Variants in PRKCQ observed in about 807,000 individuals in gnomAD.
The protein encoded by PRKCQ is protein kinase C theta type.
In PRKCQ, 41 loss-of-function variants were observed where a neutral mutation model predicts 91.2. The ratio of observed to expected loss-of-function variants is 0.45; its 90% CI spans 0.35 to 0.58. PRKCQ has a LOEUF of 0.58. Ranked by LOEUF, PRKCQ falls within the 20% of genes least tolerant of loss-of-function variation. The pLI, the probability that PRKCQ is intolerant of heterozygous loss-of-function variation, is 0.00. For missense variants in PRKCQ, 673 were observed against 896.5 expected, an observed-to-expected ratio of 0.75 and a Z score of 3.18; for synonymous variants, 307 against 316.9, an observed-to-expected ratio of 0.97 and a Z score of 0.33.
chr10:6,572,252 G>A (rs1325425121), intron 1 of PRKCQ, among the ~76,000 whole-genome samples: 1 of 150,758 alleles, frequency 6.6e-6, no homozygotes, highest in Non-Finnish European at 1.5e-5. Context: ...TAAGTTCTGG[G>A]ATACAGGTGC....
chr10:6,476,868 G>T (rs1252845243), intron 12 of PRKCQ, among the ~76,000 whole-genome samples: 19 of 152,148 alleles, frequency 1.2e-4, no homozygotes, highest in Non-Finnish European at 2.6e-4. Flanking sequence ...TTGCCTGCAG[G>T]TGACATACCT....
chr10:6,415,626 T>C, the PRKCQ span, among the ~76,000 whole-genome samples: 9 of 151,808 alleles, frequency 5.9e-5, no homozygotes, highest in South Asian at 1.3e-3. Flanking sequence ...CATTGTAGAA[T>C]TCCCTCTGCG....
intron 15 of PRKCQ, among the ~76,000 whole-genome samples, chr10:6,444,102 G>A (rs941018656): frequency 1.3e-5 from 2 of 152,014 alleles, no homozygotes; most frequent in East Asian, 1.9e-4. Context: ...ATGGAGTCTC[G>A]CTCTGTCACC....
intron 1 of PRKCQ, among the ~76,000 whole-genome samples, chr10:6,555,306 C>G (rs924481210): frequency 2.6e-5 from 4 of 151,984 alleles, no homozygotes; most frequent in African/African-American, 7.2e-5. Flanking sequence ...TAAACCTCCT[C>G]GAGAAGGATC....
intron 9 of PRKCQ, 119 bp downstream of exon 9, chr10:6,485,916 G>T: frequency 1.2e-6 from 1 of 820,600 alleles, no homozygotes; most frequent in Non-Finnish European, 2.0e-6. Flanking sequence ...GGCAAGGCCG[G>T]TGCTCAGAAA....
At chr10:6,442,777 C>T (rs1004180956) in intron 15 of PRKCQ, among the ~76,000 whole-genome samples, 6 of 152,116 alleles carry the variant, frequency 3.9e-5, no homozygotes, top group African/African-American at 4.8e-5. Context: ...GCCTGGCCAA[C>T]GTGGTGAAAC....
chr10:6,478,002 G>A (rs749154132), intron 12 of PRKCQ, among the ~76,000 whole-genome samples: 2 of 152,204 alleles, frequency 1.3e-5, no homozygotes, highest in East Asian at 1.9e-4. Context: ...GTGGACAGCC[G>A]GGATGGGGTG....
intron 15 of PRKCQ, among the ~76,000 whole-genome samples, chr10:6,455,576 C>T (rs1055208383): frequency 2.0e-5 from 3 of 152,188 alleles, no homozygotes; most frequent in African/African-American, 4.8e-5. Context: ...TCCAATCACA[C>T]GTTTATTAGT....
chr10:6,396,158 A>G, the PRKCQ span, among the ~76,000 whole-genome samples: 4 of 152,164 alleles, frequency 2.6e-5, no homozygotes, highest in African/African-American at 9.7e-5. Context: ...AGTCACCCCT[A>G]AGTACTAGAC....
the PRKCQ span, among the ~76,000 whole-genome samples, chr10:6,398,389 C>G: frequency 6.6e-6 from 1 of 152,164 alleles, no homozygotes; most frequent in Admixed American, 6.5e-5. Context: ...TATAATTTGA[C>G]TGTGTGTTGG....
chr10:6,495,516 G>C (rs986126902), intron 7 of PRKCQ, among the ~76,000 whole-genome samples: 7 of 152,226 alleles, frequency 4.6e-5, no homozygotes, highest in African/African-American at 9.7e-5. Context: ...CCGGACCACA[G>C]AGTCTCAGTA....
Position 6,485,143 on chromosome 10 carries a change from G to A in PRKCQ, c.1018+9C>T. 1.2e-6 allele frequency: 2 copies of A among 1,607,892 alleles called. No homozygotes were observed. The highest frequency in any genetic ancestry group is 1.7e-6 in the Non-Finnish European group (2 of 1,174,502). The stretch of plus-strand genomic sequence containing the variant: ...TGACAGTGATTAGACTGCTGATCAG[G>A]ACAGCTACCTCTTTTTCCCGGTGTC... On this transcript the variant is annotated intron_variant, in intron 10 of 17. Coordinates refer to ENST00000263125, the MANE Select transcript of PRKCQ (RefSeq NM_006257.5).
At chr10:6,431,949 G>C (rs960444594) in intron 16 of PRKCQ, among the ~76,000 whole-genome samples, 1 of 152,222 alleles carries the variant, frequency 6.6e-6, no homozygotes, top group African/African-American at 2.4e-5. Flanking sequence ...AGACAGGAAA[G>C]AAACTTGGAT....
chr10:6,533,478 C>T (rs1003635875), intron 1 of PRKCQ, among the ~76,000 whole-genome samples: 2 of 152,010 alleles, frequency 1.3e-5, no homozygotes, highest in East Asian at 1.9e-4. Flanking sequence ...ATTACAGGCA[C>T]GAGCCACTGT....
intron 16 of PRKCQ, among the ~76,000 whole-genome samples, chr10:6,437,469 T>C (rs1833754404): frequency 6.6e-6 from 1 of 152,226 alleles, no homozygotes; most frequent in Non-Finnish European, 1.5e-5. Flanking sequence ...GAAATGTCTG[T>C]TGTTTAACCC....
chr10:6,396,513 C>A, the PRKCQ span, among the ~76,000 whole-genome samples: 1 of 152,264 alleles, frequency 6.6e-6, no homozygotes, highest in Non-Finnish European at 1.5e-5. Flanking sequence ...TTAGATATTT[C>A]ACATGAGTGG....
chr10:6,551,189 G>T (rs1840168568), intron 1 of PRKCQ, among the ~76,000 whole-genome samples: 1 of 151,846 alleles, frequency 6.6e-6, no homozygotes, highest in African/African-American at 2.4e-5. Flanking sequence ...AGTGTGTGTT[G>T]TTCCCCTCTT....
chr10:6,530,067 G>T (rs1839336310), intron 1 of PRKCQ, among the ~76,000 whole-genome samples: 3 of 152,164 alleles, frequency 2.0e-5, no homozygotes, highest in Admixed American at 6.5e-5. Flanking sequence ...TGGAATATCT[G>T]CCTACTATAT....
chr10:6,478,977 G>A lies in PRKCQ; in HGVS notation c.1353+15C>T, dbSNP rs771334076. On this transcript the variant is annotated intron_variant, in intron 12 of 17. Transcript: ENST00000263125. ...GGTTAGAGGGGAGGTAGGGTTGTCG[G>A]AGCAGAAGCCATACCTTGGTCTGGA... The A allele has an allele frequency of 6.2e-7, 1 of 1,613,512 alleles. No individual in the cohort carries two copies. The highest frequency in any genetic ancestry group is 2.2e-5 in the East Asian group (1 of 44,866).
Sources: allele counts gnomAD v4.1 joint callset (sites outside exome capture counted in the v4.1 genomes callset), GRCh38; gene constraint gnomAD v4.1.1; transcripts MANE v1.5; gene names NCBI Gene and HGNC (gene_info 2026-07-23, HGNC 2026-07-21).